Variants in ZNF385D observed in about 807,000 individuals in gnomAD.
ZNF385D encodes zinc finger protein 385D.
In ZNF385D, 15 loss-of-function variants were observed where a neutral mutation model predicts 35.8. That is an observed-to-expected ratio of 0.42 (90% CI 0.28 to 0.64). ZNF385D has a LOEUF of 0.64. Ranked by LOEUF, ZNF385D falls within the 30% of genes least tolerant of loss-of-function variation. The pLI is 0.23. For missense variants in ZNF385D, 474 were observed against 494.6 expected, an observed-to-expected ratio of 0.96 and a Z score of 0.39; for synonymous variants, 212 against 186.8, an observed-to-expected ratio of 1.13 and a Z score of -1.10.
intron 3 of ZNF385D, among the ~76,000 whole-genome samples, chr3:22,030,291 A>ATATATATATATGTATG (rs1697901329): frequency 8.8e-6 from 1 of 113,676 alleles, no homozygotes; most frequent in African/African-American, 4.4e-5. Flanking sequence ...ATATATATAT[A>ATATATATATATGTATG]TATATATATA....
intron 3 of ZNF385D, among the ~76,000 whole-genome samples, chr3:21,920,191 AG>A (rs912475105): frequency 2.6e-5 from 4 of 152,196 alleles, no homozygotes; most frequent in African/African-American, 9.7e-5. Flanking sequence ...ATTTAGAGAA[AG>A]TATACTGACC....
At chr3:21,844,744 T>C (rs1304500639) in intron 3 of ZNF385D, among the ~76,000 whole-genome samples, 2 of 152,106 alleles carry the variant, frequency 1.3e-5, no homozygotes, top group Non-Finnish European at 2.9e-5. Context: ...GTCACTAAAT[T>C]GTTCACATTC....
Position 21,825,625 on chromosome 3 carries a change from T to C in ZNF385D, c.326-160597A>G, listed in dbSNP as rs1694556785. 2.6e-5 allele frequency among the ~76,000 whole-genome samples: 4 copies of C among 152,332 alleles called. 1 individual carries two copies. The South Asian group carries it at 8.3e-4, about 32-fold the overall frequency. On this transcript the variant is annotated intron_variant, in intron 3 of 5. Transcript: ENST00000494108. ...CCTCATGGTCACAAAGTGACTTCAA[T>C]AAACAAGTTTTCACACGGCAATGTT...
intron 3 of ZNF385D, among the ~76,000 whole-genome samples, chr3:21,917,473 G>C (rs778485894): frequency 6.6e-6 from 1 of 152,178 alleles, no homozygotes; most frequent in Admixed American, 6.5e-5. Flanking sequence ...AGAGAGAATG[G>C]TGGTGCTTCT....
intron 2 of ZNF385D, among the ~76,000 whole-genome samples, chr3:22,255,878 A>G (rs1037668829): frequency 1.3e-4 from 20 of 151,646 alleles, no homozygotes; most frequent in African/African-American, 4.8e-4. Context: ...TGAAGGATAC[A>G]AAGTATTGAT....
intron 3 of ZNF385D, among the ~76,000 whole-genome samples, chr3:21,940,536 A>G (rs1398175558): frequency 6.6e-6 from 1 of 152,206 alleles, no homozygotes; most frequent in African/African-American, 2.4e-5. Context: ...TTATGCCAGA[A>G]ACTCTGCTTC....
At chr3:22,049,576 G>T (rs9812853) in intron 3 of ZNF385D, among the ~76,000 whole-genome samples, 4,694 of 152,148 alleles carry the variant, frequency 0.031, 243 homozygotes, top group African/African-American at 0.1. Flanking sequence ...GCCAATAGTG[G>T]ACATCTTTGC....
At chr3:21,615,625 A>G (rs942733665) in intron 2 of ZNF385D, among the ~76,000 whole-genome samples, 15 of 152,076 alleles carry the variant, frequency 9.9e-5, no homozygotes, top group African/African-American at 3.6e-4. Flanking sequence ...CATTTTTTTC[A>G]ACATCAAAAC....
chr3:21,976,506 A>C (rs902793823), intron 3 of ZNF385D, among the ~76,000 whole-genome samples: 1 of 152,206 alleles, frequency 6.6e-6, no homozygotes, highest in Non-Finnish European at 1.5e-5. Context: ...AGATAGATCA[A>C]AAGAAAATAT....
At chr3:21,810,761 T>A (rs532230642) in intron 3 of ZNF385D, among the ~76,000 whole-genome samples, 100 of 152,112 alleles carry the variant, frequency 6.6e-4, no homozygotes, top group African/African-American at 2.3e-3. Flanking sequence ...ATTAGATGCA[T>A]ATGAAGCTGG....
chr3:21,451,576 T>C (rs1463152495), intron 4 of ZNF385D, among the ~76,000 whole-genome samples: 3 of 152,094 alleles, frequency 2.0e-5, no homozygotes, highest in African/African-American at 7.2e-5. Context: ...TCATTACTGT[T>C]GTATGAATCA....
At chr3:21,439,621 T>A (rs1024835415) in intron 4 of ZNF385D, among the ~76,000 whole-genome samples, 1 of 152,058 alleles carries the variant, frequency 6.6e-6, no homozygotes, top group Admixed American at 6.6e-5. Context: ...ATCATAGTAA[T>A]CCTAAACTAA....
intron 2 of ZNF385D, among the ~76,000 whole-genome samples, chr3:21,564,997 C>G (rs773473911): frequency 9.9e-5 from 15 of 152,114 alleles, no homozygotes; most frequent in Admixed American, 4.6e-4. Context: ...TATCAAAATT[C>G]AAGTTATTGC....
At chr3:22,116,923 T>A (rs1179939720) in intron 3 of ZNF385D, among the ~76,000 whole-genome samples, 1 of 152,036 alleles carries the variant, frequency 6.6e-6, no homozygotes, top group Non-Finnish European at 1.5e-5. Context: ...TACTAAGTGT[T>A]TAGGTCATTT....
At chr3:21,651,683 C>A (rs1215985342) in intron 2 of ZNF385D, among the ~76,000 whole-genome samples, 3 of 152,118 alleles carry the variant, frequency 2.0e-5, no homozygotes, top group African/African-American at 7.2e-5. Context: ...TCTTAACCTC[C>A]TCCAGGAGTT....
At chr3:22,013,504 A>G (rs1436520620) in intron 3 of ZNF385D, among the ~76,000 whole-genome samples, 1 of 152,118 alleles carries the variant, frequency 6.6e-6, no homozygotes, top group Non-Finnish European at 1.5e-5. Context: ...GATGTTTGAT[A>G]TTTCGGTTGG....
chr3:21,603,155 CAAG>C lies in ZNF385D; in HGVS notation c.166-38474_166-38472del, dbSNP rs1247217221. On this transcript the variant is annotated intron_variant, in intron 2 of 7. Coordinates refer to ENST00000281523, the MANE Select transcript of ZNF385D (RefSeq NM_024697.3). ...TATATGTACCAAGCCATATAGGAGACAAGAAGACGCATAATAAATGGCCTCTCT... is the reference window on the plus strand; with the variant it reads ...TATATGTACCAAGCCATATAGGAGACAAGACGCATAATAAATGGCCTCTCT... Among the ~76,000 whole-genome samples, 4 of 152,062 alleles carry C rather than the reference CAAG, an allele frequency of 2.6e-5. No homozygotes were observed. The East Asian group carries it at 7.7e-4, about 29-fold the overall frequency.
chr3:21,442,148 C>A (rs1411684259), intron 4 of ZNF385D, among the ~76,000 whole-genome samples: 1 of 152,082 alleles, frequency 6.6e-6, no homozygotes, highest in Non-Finnish European at 1.5e-5. Flanking sequence ...AGAAAGGATT[C>A]CAAAAAATAT....
intron 3 of ZNF385D, among the ~76,000 whole-genome samples, chr3:21,560,918 G>A (rs2062921406): frequency 6.6e-6 from 1 of 152,110 alleles, no homozygotes; most frequent in Admixed American, 6.5e-5. Flanking sequence ...CGCTCAGTTC[G>A]ATCTTCCTGG....
Sources: gnomAD v4.1 joint callset for allele counts (sites outside exome capture counted in the v4.1 genomes callset) on GRCh38, gnomAD v4.1.1 for gene constraint, MANE v1.5 for transcripts, NCBI Gene and HGNC (gene_info 2026-07-23, HGNC 2026-07-21) for gene names.